Variants in HVCN1 observed in about 807,000 individuals in gnomAD.
HVCN1 encodes the protein voltage-gated hydrogen channel 1.
HVCN1 carries 14 observed loss-of-function variants against 29.2 expected under a neutral mutation model. The observed-to-expected ratio is 0.48, with a 90% confidence interval of 0.32 to 0.75. The LOEUF is 0.75. HVCN1 is among the 30% of genes least tolerant of loss of function. HVCN1 has a pLI of 0.04. For missense variants in HVCN1, 263 were observed against 341.8 expected, an observed-to-expected ratio of 0.77 and a Z score of 1.82; for synonymous variants, 131 against 133.2, an observed-to-expected ratio of 0.98 and a Z score of 0.11.
At chr12:110,673,766 C>T (rs2068658507) in intron 3 of HVCN1, among the ~76,000 whole-genome samples, 1 of 152,192 alleles carries the variant, frequency 6.6e-6, no homozygotes, top group Non-Finnish European at 1.5e-5. Context: ...GCACAGAAGT[C>T]AAGAATTGAG....
intron 1 of HVCN1, among the ~76,000 whole-genome samples, chr12:110,702,770 T>A (rs1424147167): frequency 6.6e-6 from 1 of 152,152 alleles, no homozygotes; most frequent in East Asian, 1.9e-4. Flanking sequence ...TTCTCCTGCC[T>A]CAGCCTCCCG....
intron 3 of HVCN1, among the ~76,000 whole-genome samples, chr12:110,664,437 T>C (rs77914508): frequency 0.015 from 2,305 of 152,338 alleles, 31 homozygotes; most frequent in Non-Finnish European, 0.025. Context: ...AAATATTATA[T>C]ATTGTTTTGG....
In HVCN1 at chr12:110,655,252, C is replaced by A. The variant is rs922421964; in HGVS notation, c.393G>T (p.Lys131Asn). 8 of 1,613,658 alleles carry A rather than the reference C, an allele frequency of 5.0e-6. No homozygotes were observed. Among genetic ancestry groups the A allele is most frequent in the Non-Finnish European group, 5.9e-6 (7 of 1,179,754 alleles). Reference protein sequence around the residue: ...ILDLKIIQPDKNNYAAMVFHY... With the variant: ...ILDLKIIQPDNNNYAAMVFHY... ...CCCCTACCATGGCAGCATAGTTATTCTTGTCGGGCTGGATGATCTTCAGGT... is the reference window on the plus strand; with the variant it reads ...CCCCTACCATGGCAGCATAGTTATTATTGTCGGGCTGGATGATCTTCAGGT... The change falls in exon 5 of 8, where the codon AAG becomes AAT. Residue 131 changes from lysine to asparagine, a missense_variant. By Grantham distance (94) the Lys-to-Asn change is moderately conservative (BLOSUM62 0). Transcript: ENST00000242607.
intron 3 of HVCN1, among the ~76,000 whole-genome samples, chr12:110,675,620 A>C (rs994518461): frequency 1.8e-4 from 28 of 152,080 alleles, no homozygotes; most frequent in African/African-American, 6.5e-4. Flanking sequence ...CATTTTAGAG[A>C]TGGGACTGGG....
At chr12:110,696,174 G>A (rs1009260510) in intron 2 of HVCN1, among the ~76,000 whole-genome samples, 4 of 151,198 alleles carry the variant, frequency 2.6e-5, no homozygotes, top group Non-Finnish European at 5.9e-5. Flanking sequence ...GGCAGGTCTC[G>A]AACTCCTGAC....
intron 4 of HVCN1, among the ~76,000 whole-genome samples, chr12:110,657,379 C>T (rs2068023696): frequency 6.6e-6 from 1 of 151,954 alleles, no homozygotes; most frequent in African/African-American, 2.4e-5. Flanking sequence ...CCTGTAATCC[C>T]AGCCACTTGG....
At chr12:110,659,940 C>T (rs1444441300) in intron 4 of HVCN1, among the ~76,000 whole-genome samples, 2 of 151,824 alleles carry the variant, frequency 1.3e-5, no homozygotes, top group Non-Finnish European at 2.9e-5. Context: ...GTGGCAGGCA[C>T]CTGTAATCCC....
chr12:110,666,013 AAAG>A (rs1208866166), intron 3 of HVCN1, among the ~76,000 whole-genome samples: 92 of 151,546 alleles, frequency 6.1e-4, no homozygotes, highest in African/African-American at 2.1e-3. Flanking sequence ...TCTCACAAAA[AAAG>A]AAGGAAAAAA....
At chr12:110,651,000 G>C (rs1024461425) in intron 6 of HVCN1, among the ~76,000 whole-genome samples, 1 of 152,002 alleles carries the variant, frequency 6.6e-6, no homozygotes, top group African/African-American at 2.4e-5. Context: ...CACCCAACCT[G>C]TTTCATTTTA....
intron 4 of HVCN1, among the ~76,000 whole-genome samples, chr12:110,660,212 A>G (rs761864723): frequency 1.3e-5 from 2 of 151,444 alleles, no homozygotes; most frequent in Non-Finnish European, 2.9e-5. Flanking sequence ...CCCTGTCTCT[A>G]CTAAAAATGC....
intron 3 of HVCN1, chr12:110,682,846 C>T: frequency 3.5e-6 from 1 of 282,082 alleles, no homozygotes; most frequent in Non-Finnish European, 6.8e-6. Context: ...GCCTGTAATC[C>T]CAGCTACTTG....
intron 3 of HVCN1, among the ~76,000 whole-genome samples, chr12:110,667,052 G>T (rs1159590415): frequency 6.6e-6 from 1 of 152,104 alleles, no homozygotes; most frequent in Non-Finnish European, 1.5e-5. Flanking sequence ...GCTCATCTCG[G>T]CCGGACCAAA....
intron 4 of HVCN1, among the ~76,000 whole-genome samples, chr12:110,660,807 T>G (rs2068143436): frequency 6.6e-6 from 1 of 152,228 alleles, no homozygotes; most frequent in Non-Finnish European, 1.5e-5. Context: ...TGTGTCTGGC[T>G]TCTTTCCCTC....
intron 3 of HVCN1, among the ~76,000 whole-genome samples, chr12:110,669,227 C>T (rs2068482441): frequency 6.6e-6 from 1 of 152,132 alleles, no homozygotes; most frequent in African/African-American, 2.4e-5. Context: ...TTGGCTCCTC[C>T]TTCTCCCTCA....
chr12:110,651,282 T>C lies in HVCN1; in HGVS notation c.578A>G (p.His193Arg). Residue 193 changes from histidine (H) to arginine (R), a missense_variant, in exon 6 of 8, where the codon CAC becomes CGC. Physicochemically the swap from His to Arg is conservative, Grantham distance 29. Transcript: ENST00000242607. ...ILDIVLLFQEHQFEALGLLIL... is the reference protein window; with the variant it reads ...ILDIVLLFQERQFEALGLLIL... ...CAGCAGGCCCAGAGCCTCAAACTGG[T>C]GCTCCTGGAACAGGAGGACAATGTC... is the stretch of plus-strand genomic sequence containing the variant. The C allele has an allele frequency of 6.2e-7, 1 of 1,613,988 alleles. No individual in the cohort carries two copies.
intron 2 of HVCN1, among the ~76,000 whole-genome samples, chr12:110,698,865 C>T (rs993130289): frequency 1.3e-5 from 2 of 152,284 alleles, no homozygotes; most frequent in Non-Finnish European, 2.9e-5. Flanking sequence ...CGGTGGCTCA[C>T]GCCTGTAATC....
At chr12:110,668,972 C>A (rs1216215737) in intron 3 of HVCN1, among the ~76,000 whole-genome samples, 1 of 151,828 alleles carries the variant, frequency 6.6e-6, no homozygotes, top group Non-Finnish European at 1.5e-5. Flanking sequence ...AGACCTCAGC[C>A]TTGACCCTGT....
rs535995478 is a variant in HVCN1 at position 110,676,374 on chromosome 12, C to A, written c.21+6851G>T. ...CCTGTGCAGAAAAGGGCCAGCCCAG[C>A]GGTCCCGAGGCTGCCTTCCTCAGAC... On this transcript the variant is annotated intron_variant, in intron 3 of 7. Coordinates refer to ENST00000242607, the MANE Select transcript of HVCN1 (RefSeq NM_032369.4). This position sits in a 1 kb window ranked among gnomAD's most constrained non-coding sequence, Gnocchi z 4.1. 6.6e-6 allele frequency among the ~76,000 whole-genome samples: 1 copy of A among 152,216 alleles called. No homozygotes were observed. Among genetic ancestry groups the A allele is most frequent in the African/African-American group, 2.4e-5 (1 of 41,436 alleles).
chr12:110,703,513 T>C (rs1386145070), intron 1 of HVCN1, among the ~76,000 whole-genome samples: 1 of 152,118 alleles, frequency 6.6e-6, no homozygotes, highest in Non-Finnish European at 1.5e-5. Context: ...ATTGGGCGAG[T>C]GCCGTGGAGA....
Sources: gnomAD v4.1 joint callset for allele counts (sites outside exome capture counted in the v4.1 genomes callset) on GRCh38, gnomAD v4.1.1 for gene constraint, Gnocchi (gnomAD v3.1) non-coding constraint, MANE v1.5 for transcripts, NCBI Gene and HGNC (gene_info 2026-07-23, HGNC 2026-07-21) for gene names.